ZC3H7A: variants seen among roughly 807,000 people sequenced by gnomAD.
ZC3H7A encodes the protein zinc finger CCCH-type containing 7A.
ZC3H7A carries 44 observed loss-of-function variants against 125.5 expected under a neutral mutation model. That is an observed-to-expected ratio of 0.35 (90% CI 0.28 to 0.45). ZC3H7A has a LOEUF of 0.45. ZC3H7A is among the 20% of genes least tolerant of loss of function. The pLI is 1.00. For missense variants in ZC3H7A, 977 were observed against 1,170.7 expected, an observed-to-expected ratio of 0.83 and a Z score of 2.41; for synonymous variants, 399 against 391.2, an observed-to-expected ratio of 1.02 and a Z score of -0.23.
rs1308351964 is a variant in ZC3H7A at position 11,761,639 on chromosome 16, C to G, written c.2214-128G>C. Reference sequence around the variant, plus strand: ...TTCTCAATGCTTCTAAAAGAAATACCTTATGATTCTGTATTTTCACTTCCT... The same window carrying G: ...TTCTCAATGCTTCTAAAAGAAATACGTTATGATTCTGTATTTTCACTTCCT... On this transcript the variant is annotated intron_variant, in intron 18 of 22. Transcript: ENST00000355758. The G allele has an allele frequency of 8.4e-6, 8 of 953,696 alleles. No homozygotes were observed. The East Asian group carries it at 1.0e-4, about 12-fold the overall frequency. 59.1% of individuals were successfully genotyped at this position (953,696 alleles called of 1,614,324 possible).
chr16:11,768,582 C>T (rs571063574), intron 11 of ZC3H7A, 81 bp from the exon 12 acceptor site: 25 of 1,231,688 alleles, frequency 2.0e-5, no homozygotes, highest in Non-Finnish European at 2.2e-5. Context: ...CTGAATTCAT[C>T]TGAAAAATAA....
In ZC3H7A at chr16:11,752,677, A is replaced by C; in HGVS notation, c.2718T>G (p.Ile906Met). ...QHRFPTGYFS[I>M]CDRYMNGTCP... ...TGTAGAAACCTACATACCTATCACA[A>C]ATACTGAAATAGCCTGTTGGGAAGC... Residue 906 changes from isoleucine (I) to methionine (M), a missense_variant, in exon 22 of 23, where the codon ATT becomes ATG. Ile to Met is a conservative substitution (Grantham distance 10). Transcript: ENST00000355758. The C allele has an allele frequency of 1.9e-6, 3 of 1,611,042 alleles. No individual in the cohort carries two copies. Among genetic ancestry groups the C allele is most frequent in the Non-Finnish European group, 1.7e-6 (2 of 1,179,246 alleles).
At chr16:11,772,790 G>A (rs966771194) in intron 9 of ZC3H7A, among the ~76,000 whole-genome samples, 6 of 150,190 alleles carry the variant, frequency 4.0e-5, no homozygotes, top group African/African-American at 1.2e-4. Flanking sequence ...TCCACCTCCC[G>A]GGCTCAAGTG....
intron 10 of ZC3H7A, among the ~76,000 whole-genome samples, chr16:11,769,594 C>T (rs950977976): frequency 6.7e-6 from 1 of 149,958 alleles, no homozygotes; most frequent in African/African-American, 2.5e-5. Context: ...GCCTGTAATC[C>T]CAGCTACTCA....
intron 10 of ZC3H7A, among the ~76,000 whole-genome samples, chr16:11,770,462 C>CT (rs1282142128): frequency 2.0e-5 from 3 of 152,128 alleles, no homozygotes; most frequent in Admixed American, 6.5e-5. Flanking sequence ...CTCTCAGACC[C>CT]TTTAAGATGA....
intron 4 of ZC3H7A, 136 bp from the exon 5 acceptor site, chr16:11,777,045 T>C: frequency 3.1e-6 from 2 of 639,152 alleles, no homozygotes; most frequent in Non-Finnish European, 4.8e-6. Context: ...AGTATTACTT[T>C]TATTTTTTAA....
intron 11 of ZC3H7A, 109 bp from the exon 12 acceptor site, chr16:11,768,610 G>A (rs1325408573): frequency 2.0e-6 from 2 of 1,003,610 alleles, no homozygotes; most frequent in Non-Finnish European, 2.8e-6. Context: ...TTCATAAACT[G>A]AGGTCAGTAC....
At chr16:11,783,853 T>C (rs1214624817) in intron 1 of ZC3H7A, among the ~76,000 whole-genome samples, 3 of 152,230 alleles carry the variant, frequency 2.0e-5, no homozygotes, top group Non-Finnish European at 2.9e-5. Context: ...TGCTAAACCC[T>C]TTCTTCTTTG....
intron 20 of ZC3H7A, among the ~76,000 whole-genome samples, chr16:11,757,690 G>A (rs1313519110): frequency 6.6e-6 from 1 of 152,032 alleles, no homozygotes; most frequent in African/African-American, 2.4e-5. Flanking sequence ...GCAAAAGCCT[G>A]GTGCGCAAGG....
chr16:11,776,053 C>A (rs992326930), intron 7 of ZC3H7A, among the ~76,000 whole-genome samples: 1 of 151,948 alleles, frequency 6.6e-6, no homozygotes. Context: ...CCCAGCTACT[C>A]GGGAGGCTGA....
intron 17 of ZC3H7A, among the ~76,000 whole-genome samples, chr16:11,762,418 T>G (rs1244179233): frequency 6.6e-6 from 1 of 152,096 alleles, no homozygotes; most frequent in South Asian, 2.1e-4. Flanking sequence ...AGCCCAGAAC[T>G]CCAGTTGTTT....
intron 3 of ZC3H7A, among the ~76,000 whole-genome samples, chr16:11,779,694 G>C (rs1357443576): frequency 6.6e-6 from 1 of 152,198 alleles, no homozygotes; most frequent in Non-Finnish European, 1.5e-5. Context: ...TAAGGCTTTT[G>C]AGCAGTATTT....
At chr16:11,794,675 T>C (rs2053406104) in intron 1 of ZC3H7A, among the ~76,000 whole-genome samples, 1 of 152,224 alleles carries the variant, frequency 6.6e-6, no homozygotes, top group Admixed American at 6.5e-5. Context: ...TTTGTTTCTT[T>C]CTTCCTTTAC....
At chr16:11,751,549 TC>T in intron 22 of ZC3H7A, 43 bp from the exon 23 acceptor site, 3 of 1,563,042 alleles carry the variant, frequency 1.9e-6, no homozygotes, top group Non-Finnish European at 2.6e-6. Flanking sequence ...ATAAGTTGTT[TC>T]TAAAAATCGT....
At chr16:11,791,182 T>C (rs930891180) in intron 1 of ZC3H7A, among the ~76,000 whole-genome samples, 1 of 151,726 alleles carries the variant, frequency 6.6e-6, no homozygotes, top group Non-Finnish European at 1.5e-5. Context: ...CTTGGGACGC[T>C]GGATGAAGCC....
intron 3 of ZC3H7A, among the ~76,000 whole-genome samples, chr16:11,780,719 G>A (rs929570343): frequency 6.6e-6 from 1 of 152,098 alleles, no homozygotes; most frequent in Non-Finnish European, 1.5e-5. Flanking sequence ...AAAAGGGGAG[G>A]AGGGAGAGAG....
intron 10 of ZC3H7A, among the ~76,000 whole-genome samples, chr16:11,770,415 G>A (rs549325069): frequency 5.3e-5 from 8 of 152,242 alleles, no homozygotes; most frequent in African/African-American, 1.9e-4. Flanking sequence ...TCTTAAATTA[G>A]TGTTTGCCTA....
chr16:11,776,647 A>C, intron 5 of ZC3H7A, 104 bp downstream of exon 5: 1 of 1,499,350 alleles, frequency 6.7e-7, no homozygotes, highest in Non-Finnish European at 9.0e-7. Flanking sequence ...ATTTATACCC[A>C]ACTGAAGCAG....
In ZC3H7A at chr16:11,772,382, G is replaced by C. The variant is rs140495248; in HGVS notation, c.904-1395C>G. 9.2e-3 allele frequency among the ~76,000 whole-genome samples: 1,393 copies of C among 151,656 alleles called. 51 individuals carry two copies. The highest frequency in any genetic ancestry group is 0.029 in the African/African-American group (1,170 of 41,032). ...AACTTCCCCAGGCCCCATCAAAGCTGCAACTCACTGAGAGCTTCCACGCAC... is the reference window on the plus strand; with the variant it reads ...AACTTCCCCAGGCCCCATCAAAGCTCCAACTCACTGAGAGCTTCCACGCAC... On this transcript the variant is annotated intron_variant, in intron 9 of 22. Coordinates refer to ENST00000355758, the MANE Select transcript of ZC3H7A (RefSeq NM_014153.4).
Sources: gnomAD v4.1 joint callset for allele counts (sites outside exome capture counted in the v4.1 genomes callset) on GRCh38, gnomAD v4.1.1 for gene constraint, MANE v1.5 for transcripts, NCBI Gene and HGNC (gene_info 2026-07-23, HGNC 2026-07-21) for gene names.